RANBP2: variants seen among roughly 807,000 people sequenced by gnomAD.
The protein encoded by RANBP2 is RAN binding protein 2.
A neutral mutation model predicts 303.6 loss-of-function variants in RANBP2; 57 were observed. The ratio of observed to expected loss-of-function variants is 0.19; its 90% confidence interval spans 0.15 to 0.23. The LOEUF (loss-of-function observed/expected upper bound fraction) is 0.23, where lower values mean the gene tolerates loss of function less well. Ranked by LOEUF, RANBP2 falls within the 10% of genes least tolerant of loss-of-function variation. RANBP2 has a pLI of 1.00. For synonymous variants in RANBP2, 1,167 were observed against 1,301.5 expected, an observed-to-expected ratio of 0.90 and a Z score of 2.23; for missense variants, 3,138 against 3,780.8, an observed-to-expected ratio of 0.83 and a Z score of 4.46.
chr2:108,805,065 A>G, the RANBP2 span: 1 of 974,950 alleles, frequency 1.0e-6, no homozygotes, highest in Non-Finnish European at 1.4e-6. Flanking sequence ...TATATTTTAT[A>G]TATAACAAAT....
chr2:109,445,315 C>T, the RANBP2 span, among the ~76,000 whole-genome samples: 15 of 152,158 alleles, frequency 9.9e-5, no homozygotes, highest in Admixed American at 2.0e-4. Context: ...GGGCTCAAGT[C>T]CTCACACAGA....
the RANBP2 span, among the ~76,000 whole-genome samples, chr2:109,156,591 G>A: frequency 6.6e-6 from 1 of 151,856 alleles, no homozygotes; most frequent in African/African-American, 2.4e-5. Flanking sequence ...GATTACAGGT[G>A]TCCACCACTA....
At chr2:109,298,965 T>C in the RANBP2 span, among the ~76,000 whole-genome samples, 1 of 152,316 alleles carries the variant, frequency 6.6e-6, no homozygotes, top group South Asian at 2.1e-4. Flanking sequence ...CCAGGCCGTA[T>C]GACACGGCCC....
chr2:109,139,569 T>A, the RANBP2 span, among the ~76,000 whole-genome samples: 1 of 152,172 alleles, frequency 6.6e-6, no homozygotes, highest in Admixed American at 6.5e-5. Context: ...AAAATTAATT[T>A]AAAAATGTGT....
At chr2:109,298,421 T>G in the RANBP2 span, among the ~76,000 whole-genome samples, 1 of 152,050 alleles carries the variant, frequency 6.6e-6, no homozygotes, top group African/African-American at 2.4e-5. Context: ...GTTCCCATGG[T>G]CTGTGGGTCA....
the RANBP2 span, among the ~76,000 whole-genome samples, chr2:108,886,004 C>T: frequency 1.9e-4 from 29 of 152,144 alleles, no homozygotes; most frequent in Non-Finnish European, 3.5e-4. Context: ...TTTATCCATT[C>T]GTCCGCTGAT....
At chr2:109,743,294 T>C in the RANBP2 span, among the ~76,000 whole-genome samples, 1 of 99,046 alleles carries the variant, frequency 1.0e-5, no homozygotes, top group East Asian at 4.7e-4. Flanking sequence ...AATCTAGACA[T>C]AGACCTTACA....
chr2:109,117,429 C>T, the RANBP2 span, among the ~76,000 whole-genome samples: 2 of 152,214 alleles, frequency 1.3e-5, no homozygotes, highest in Non-Finnish European at 2.9e-5. Flanking sequence ...GGCGTAGGAC[C>T]CTCCGAGCTA....
the RANBP2 span, among the ~76,000 whole-genome samples, chr2:108,877,950 G>A: frequency 2.0e-5 from 3 of 152,188 alleles, no homozygotes; most frequent in Non-Finnish European, 4.4e-5. Flanking sequence ...AGCTCTACAG[G>A]AGAAGATTTT....
chr2:109,427,508 C>T, the RANBP2 span, among the ~76,000 whole-genome samples: 2 of 152,166 alleles, frequency 1.3e-5, no homozygotes, highest in Admixed American at 6.5e-5. Context: ...GGGCCTTACA[C>T]CAGGAGCTCC....
chr2:108,906,721 A>G, the RANBP2 span, among the ~76,000 whole-genome samples: 7 of 152,216 alleles, frequency 4.6e-5, no homozygotes, highest in Admixed American at 2.0e-4. Context: ...CGGGGCTCCC[A>G]TCCCGGATCA....
At chr2:109,508,997 C>T in the RANBP2 span, among the ~76,000 whole-genome samples, 1 of 152,208 alleles carries the variant, frequency 6.6e-6, no homozygotes, top group Non-Finnish European at 1.5e-5. Context: ...TACACAACAC[C>T]AGCACATGAG....
the RANBP2 span, among the ~76,000 whole-genome samples, chr2:109,323,730 G>A: frequency 8.6e-3 from 1,317 of 152,348 alleles, 17 homozygotes; most frequent in African/African-American, 0.03. Context: ...TCCTGTAAGA[G>A]TGGGCATGAG....
At chr2:108,780,657 G>A (rs1678192289) in intron 25 of RANBP2, among the ~76,000 whole-genome samples, 2 of 151,320 alleles carry the variant, frequency 1.3e-5, no homozygotes, top group African/African-American at 4.9e-5. Context: ...AGCCTCTCAA[G>A]TAGCTGGGAC....
At chr2:109,323,731 T>G in the RANBP2 span, among the ~76,000 whole-genome samples, 1 of 152,216 alleles carries the variant, frequency 6.6e-6, no homozygotes, top group Non-Finnish European at 1.5e-5. Context: ...CCTGTAAGAG[T>G]GGGCATGAGG....
chr2:108,844,909 A>G, the RANBP2 span, among the ~76,000 whole-genome samples: 4 of 151,944 alleles, frequency 2.6e-5, no homozygotes, highest in Admixed American at 6.6e-5. Flanking sequence ...CACCAAGCCC[A>G]GTTAATTTTT....
At chr2:108,755,544 C>A (rs1676242989) in intron 17 of RANBP2, among the ~76,000 whole-genome samples, 1 of 152,054 alleles carries the variant, frequency 6.6e-6, no homozygotes, top group African/African-American at 2.4e-5. Flanking sequence ...CAGTCACACG[C>A]CACCAGGCCC....
the RANBP2 span, among the ~76,000 whole-genome samples, chr2:108,856,277 C>T: frequency 5.1e-5 from 7 of 136,374 alleles, no homozygotes; most frequent in Admixed American, 1.6e-4. Flanking sequence ...AACTGACACA[C>T]CAGAGCATAT....
the RANBP2 span, among the ~76,000 whole-genome samples, chr2:109,277,010 C>T: frequency 6.6e-6 from 1 of 152,138 alleles, no homozygotes; most frequent in African/African-American, 2.4e-5. Flanking sequence ...ACAGAATCAA[C>T]AGACTTCCCT....
Sources: gnomAD v4.1 joint callset for allele counts (sites outside exome capture counted in the v4.1 genomes callset) on GRCh38, gnomAD v4.1.1 for gene constraint, MANE v1.5 for transcripts, NCBI Gene and HGNC (gene_info 2026-07-23, HGNC 2026-07-21) for gene names.